STK32B: variants seen among roughly 807,000 people sequenced by gnomAD.
STK32B encodes serine/threonine kinase 32B, also known as serine/threonine-protein kinase 32B.
STK32B carries 43 observed loss-of-function variants against 52.6 expected under a neutral mutation model. The ratio of observed to expected loss-of-function variants is 0.82; its 90% CI spans 0.64 to 1.05. STK32B has a LOEUF of 1.05. STK32B is among the 50% of genes least tolerant of loss of function. The pLI is 0.00. For synonymous variants in STK32B, 238 were observed against 204.3 expected (o/e 1.17, Z -1.41); for missense variants, 621 against 534.6 (o/e 1.16, Z -1.59).
chr4:5,202,245 A>G (rs1722208627), intron 3 of STK32B, among the ~76,000 whole-genome samples: 1 of 152,256 alleles, frequency 6.6e-6, no homozygotes. Flanking sequence ...TTAAAGCTCC[A>G]ACATAGTCTC....
intron 3 of STK32B, among the ~76,000 whole-genome samples, chr4:5,174,100 T>A (rs1719619380): frequency 6.6e-6 from 1 of 152,150 alleles, no homozygotes; most frequent in South Asian, 2.1e-4. Context: ...TAAAGTCTGT[T>A]TTATCTGAGA....
rs1333015483 is a variant in STK32B at position 5,499,630 on chromosome 4, A to G, written c.*547A>G. Reference sequence around the variant, plus strand: ...CAAAACCTGAAGTGTCTTCATGTGCATTCTCTGGCAGGCCACAGTCCTGAG... The same window carrying G: ...CAAAACCTGAAGTGTCTTCATGTGCGTTCTCTGGCAGGCCACAGTCCTGAG... On this transcript the variant is annotated 3_prime_UTR_variant, in exon 12 of 12. Coordinates refer to ENST00000282908, the MANE Select transcript of STK32B (RefSeq NM_018401.3). The G allele has an allele frequency of 4.1e-5, 4 of 98,666 alleles. No individual in the cohort carries two copies. The highest frequency in any genetic ancestry group is 1.3e-4 in the African/African-American group (3 of 23,500). The allele number at this position is 98,666 out of a possible 1,614,324, so 6.1% of individuals were successfully genotyped here. A position where few individuals can be genotyped will look rare whatever the true frequency, so the allele number is the denominator to read the frequency against.
intron 5 of STK32B, among the ~76,000 whole-genome samples, chr4:5,409,531 G>C (rs1179730489): frequency 1.3e-5 from 2 of 152,140 alleles, no homozygotes; most frequent in Non-Finnish European, 2.9e-5. Flanking sequence ...CATGGACATA[G>C]AGAAATGGTG....
At chr4:5,327,780 G>A (rs745336577) in intron 3 of STK32B, among the ~76,000 whole-genome samples, 11 of 152,188 alleles carry the variant, frequency 7.2e-5, no homozygotes, top group Non-Finnish European at 1.5e-4. Context: ...CCTCCCTAGT[G>A]AGAGAGCCTT....
chr4:5,139,548 G>C (rs1042374375), intron 1 of STK32B: 14 of 246,072 alleles, frequency 5.7e-5, no homozygotes, highest in African/African-American at 2.0e-4. Flanking sequence ...CAAAGGAGGG[G>C]AGGATGTCCA....
chr4:5,361,276 A>G (rs1734529527), intron 4 of STK32B, among the ~76,000 whole-genome samples: 1 of 152,214 alleles, frequency 6.6e-6, no homozygotes, highest in Non-Finnish European at 1.5e-5. Flanking sequence ...ACTGCTGTAA[A>G]CTTAAATGTA....
intron 5 of STK32B, among the ~76,000 whole-genome samples, chr4:5,407,458 T>G (rs968566895): frequency 2.6e-5 from 4 of 152,162 alleles, no homozygotes; most frequent in African/African-American, 9.7e-5. Flanking sequence ...GGTACCAATT[T>G]TCTATATTAG....
At chr4:5,304,366 T>G (rs1257314281) in intron 3 of STK32B, among the ~76,000 whole-genome samples, 1 of 152,044 alleles carries the variant, frequency 6.6e-6, no homozygotes, top group Non-Finnish European at 1.5e-5. Flanking sequence ...GTGTTTCTAC[T>G]TTTCCTTGTA....
In STK32B at chr4:5,444,617, G is replaced by A. The variant is rs533105445; in HGVS notation, c.563-2056G>A. On this transcript the variant is annotated intron_variant, in intron 6 of 11. Transcript: ENST00000282908. ...GGAGCTGTTCCTATTCGGCCATCTTGGCTCCTCCCCCCGCCTTGGGCATTC... is the reference window on the plus strand; with the variant it reads ...GGAGCTGTTCCTATTCGGCCATCTTAGCTCCTCCCCCCGCCTTGGGCATTC... Among the ~76,000 whole-genome samples, 8 of 152,256 alleles carry A rather than the reference G, an allele frequency of 5.3e-5. No individual in the cohort carries two copies. In the East Asian group the frequency reaches 1.5e-3, roughly 29 times the overall value.
chr4:5,393,617 G>A (rs1736711428), intron 4 of STK32B, among the ~76,000 whole-genome samples: 1 of 152,104 alleles, frequency 6.6e-6, no homozygotes, highest in South Asian at 2.1e-4. Context: ...GACAGTGGGG[G>A]AGGTGCTACA....
intron 2 of STK32B, among the ~76,000 whole-genome samples, chr4:5,147,081 A>T (rs941393761): frequency 5.3e-5 from 8 of 152,130 alleles, no homozygotes; most frequent in African/African-American, 1.9e-4. Flanking sequence ...AGGTATTTAA[A>T]AGTCTATTTT....
chr4:5,288,447 C>A (rs28887842), intron 3 of STK32B, among the ~76,000 whole-genome samples: 1 of 151,886 alleles, frequency 6.6e-6, no homozygotes, highest in Non-Finnish European at 1.5e-5. Flanking sequence ...TATAAATGAT[C>A]CCTTATTGTG....
At chr4:5,327,382 A>G (rs560001777) in intron 3 of STK32B, among the ~76,000 whole-genome samples, 71 of 151,312 alleles carry the variant, frequency 4.7e-4, no homozygotes, top group African/African-American at 1.6e-3. Context: ...AGCAATCACT[A>G]TCTATGGCAG....
chr4:5,125,774 G>A (rs1192719159), intron 1 of STK32B, among the ~76,000 whole-genome samples: 1 of 152,148 alleles, frequency 6.6e-6, no homozygotes, highest in Non-Finnish European at 1.5e-5. Flanking sequence ...AGTGAAAATA[G>A]CTACTCCCCA....
chr4:5,379,801 G>T (rs1261544037), intron 4 of STK32B, among the ~76,000 whole-genome samples: 6 of 152,298 alleles, frequency 3.9e-5, no homozygotes, highest in Admixed American at 3.9e-4. Context: ...TGGACTTTTG[G>T]ACTCTAGAAT....
intron 2 of STK32B, among the ~76,000 whole-genome samples, chr4:5,144,822 ATC>A (rs1560175590): frequency 7.0e-4 from 106 of 151,698 alleles, no homozygotes; most frequent in African/African-American, 2.5e-3. Context: ...CCATCCATCC[ATC>A]CATCCATCCA....
intron 2 of STK32B, among the ~76,000 whole-genome samples, chr4:5,151,008 A>T (rs1409295481): frequency 1.3e-5 from 2 of 152,202 alleles, no homozygotes; most frequent in Admixed American, 6.5e-5. Context: ...CCTTTAGGAC[A>T]TACTACCAAA....
chr4:5,201,373 C>T (rs373495601), intron 3 of STK32B, among the ~76,000 whole-genome samples: 28 of 152,240 alleles, frequency 1.8e-4, no homozygotes, highest in Non-Finnish European at 2.9e-4. Context: ...GACAGGTTCG[C>T]GCAGGACTGC....
intron 3 of STK32B, among the ~76,000 whole-genome samples, chr4:5,248,560 G>A (rs990687828): frequency 3.9e-5 from 6 of 152,074 alleles, no homozygotes; most frequent in Admixed American, 3.3e-4. Context: ...GTCTTTTTAT[G>A]CCATGAATAT....
Sources: gnomAD v4.1 joint callset for allele counts (sites outside exome capture counted in the v4.1 genomes callset) on GRCh38, gnomAD v4.1.1 for gene constraint, MANE v1.5 for transcripts, NCBI Gene and HGNC (gene_info 2026-07-23, HGNC 2026-07-21) for gene names.